The following PATL1 variants were observed in gnomAD, a reference collection of about 807,000 sequenced individuals.
PATL1 encodes protein PAT1 homolog 1.
Under a neutral mutation model 100.6 loss-of-function variants are expected in PATL1, and 32 were observed. That is an observed-to-expected ratio of 0.32 (90% CI 0.24 to 0.43). PATL1 has a LOEUF of 0.43. Among genes scored for constraint, PATL1 ranks in the 20% least tolerant of loss-of-function variants. The pLI, the probability that PATL1 is intolerant of heterozygous loss-of-function variation, is 1.00. For missense variants in PATL1, 747 were observed against 949.9 expected (o/e 0.79, Z 2.81); for synonymous variants, 332 against 330.0 (o/e 1.01, Z -0.07).
intron 8 of PATL1, among the ~76,000 whole-genome samples, chr11:59,655,048 GGTCT>G (rs1351356852): frequency 1.4e-4 from 22 of 152,264 alleles, no homozygotes; most frequent in African/African-American, 5.1e-4. Context: ...CTTGCCTGCT[GGTCT>G]GTCTTACAGA....
chr11:59,649,287 T>A (rs1197308577), intron 14 of PATL1, among the ~76,000 whole-genome samples, 175 bp downstream of exon 14: 1 of 152,164 alleles, frequency 6.6e-6, no homozygotes, highest in African/African-American at 2.4e-5. Context: ...CTTTCCTCAC[T>A]GGAAAAGATA....
intron 15 of PATL1, among the ~76,000 whole-genome samples, chr11:59,646,029 CT>C (rs1861359657): frequency 1.3e-5 from 2 of 152,120 alleles, no homozygotes; most frequent in Admixed American, 1.3e-4. Context: ...GCATTCTTAT[CT>C]TTTAGCACCT....
intron 3 of PATL1, 95 bp downstream of exon 3, chr11:59,659,157 C>A: frequency 8.9e-7 from 1 of 1,117,366 alleles, no homozygotes; most frequent in Non-Finnish European, 1.3e-6. Context: ...ATATGTAAAT[C>A]TCTCATTATA....
intron 14 of PATL1, among the ~76,000 whole-genome samples, chr11:59,648,692 C>T (rs997136756): frequency 1.3e-5 from 2 of 152,028 alleles, no homozygotes; most frequent in African/African-American, 4.8e-5. Flanking sequence ...AACTTATTTC[C>T]ATGTCAATAA....
chr11:59,648,185 CTTTTT>C (rs887689437), intron 14 of PATL1, among the ~76,000 whole-genome samples: 3 of 130,462 alleles, frequency 2.3e-5, no homozygotes, highest in African/African-American at 5.8e-5. Context: ...AACTTTTTTT[CTTTTT>C]TTTTTTTTTT....
At chr11:59,664,291 C>G (rs908447444) in intron 2 of PATL1, among the ~76,000 whole-genome samples, 4 of 152,082 alleles carry the variant, frequency 2.6e-5, no homozygotes, top group African/African-American at 9.7e-5. Flanking sequence ...CAATATTATT[C>G]CCATCTTATG....
At chr11:59,639,229 GA>G (rs759856246) in intron 17 of PATL1, 32 bp from the exon 18 acceptor site, 10 of 1,604,458 alleles carry the variant, frequency 6.2e-6, no homozygotes, top group East Asian at 2.2e-5. Context: ...AATATCAGGA[GA>G]AAAAAATTTA....
At chr11:59,649,741 T>G in intron 13 of PATL1, 131 bp from the exon 14 acceptor site, 1 of 937,252 alleles carries the variant, frequency 1.1e-6, no homozygotes, top group Non-Finnish European at 1.5e-6. Flanking sequence ...TTTTTTTTTT[T>G]AATGTAGAAA....
chr11:59,652,730 C>T, intron 10 of PATL1, 108 bp downstream of exon 10: 1 of 1,500,254 alleles, frequency 6.7e-7, no homozygotes. Context: ...TGCTAAGTAC[C>T]TCAAAAGAAA....
Position 59,636,940 on chromosome 11 carries a change from TG to T in PATL1, c.*1449del, listed in dbSNP as rs1296799413. On this transcript the variant is annotated 3_prime_UTR_variant, in exon 19 of 19. Coordinates refer to ENST00000300146, the MANE Select transcript of PATL1 (RefSeq NM_152716.3). ...GTAGAGGGAAGCTAGGTAACATCAC[TG>T]GGGAACAGCTGGTGGAGCCTGGGGT... 6.6e-6 allele frequency: 1 copy of T among 152,662 alleles called. No individual in the cohort carries two copies. The highest frequency in any genetic ancestry group is 1.5e-5 in the Non-Finnish European group (1 of 68,132). The allele number at this position is 152,662 out of a possible 1,614,324, so 9.5% of individuals were successfully genotyped here. A position where few individuals can be genotyped will look rare whatever the true frequency, so the allele number is the denominator to read the frequency against.
chr11:59,664,158 C>T (rs766866552), intron 2 of PATL1, among the ~76,000 whole-genome samples: 1 of 152,150 alleles, frequency 6.6e-6, no homozygotes, highest in Non-Finnish European at 1.5e-5. Flanking sequence ...TATTTAATTG[C>T]CTTAACTTTG....
At chr11:59,639,426 A>G (rs1177759944) in intron 16 of PATL1, 43 bp from the exon 17 acceptor site, 20 of 1,436,194 alleles carry the variant, frequency 1.4e-5, no homozygotes. Context: ...CACTGTGTCT[A>G]AACCTCCTCC....
At position 59,636,975 on chromosome 11, in the gene PATL1, G is replaced by A. The variant is rs1416542431; in HGVS notation, c.*1415C>T. On this transcript the variant is annotated 3_prime_UTR_variant, in exon 19 of 19. Coordinates refer to ENST00000300146, the MANE Select transcript of PATL1 (RefSeq NM_152716.3). The stretch of plus-strand genomic sequence containing the variant: ...CTGGTGGAGCCTGGGGTTACAGCAT[G>A]GGAAGAAATGGAGATGGAGAACAGG... 1 of 152,690 alleles carries A rather than the reference G, an allele frequency of 6.5e-6. No individual in the cohort carries two copies. Among genetic ancestry groups the A allele is most frequent in the African/African-American group, 2.4e-5 (1 of 41,430 alleles). The allele number at this position is 152,690 out of a possible 1,614,324, so 9.5% of individuals were successfully genotyped here. A position where few individuals can be genotyped will look rare whatever the true frequency, so the allele number is the denominator to read the frequency against.
intron 16 of PATL1, among the ~76,000 whole-genome samples, chr11:59,640,048 A>G (rs1861253832): frequency 6.6e-6 from 1 of 152,216 alleles, no homozygotes; most frequent in African/African-American, 2.4e-5. Context: ...AGAGTATGCA[A>G]TATATAAAAA....
intron 14 of PATL1, 112 bp from the exon 15 acceptor site, chr11:59,648,025 A>C (rs1303821110): frequency 1.1e-6 from 1 of 899,628 alleles, no homozygotes; most frequent in Non-Finnish European, 1.6e-6. Context: ...TCATTCTCTA[A>C]TAACCTGTAC....
chr11:59,650,661 T>G, intron 13 of PATL1, 93 bp downstream of exon 13: 1 of 853,228 alleles, frequency 1.2e-6, no homozygotes, highest in Non-Finnish European at 1.8e-6. Flanking sequence ...CCAAAGAACA[T>G]TGACTGATTG....
At chr11:59,667,681 A>G (rs969339803) in intron 1 of PATL1, among the ~76,000 whole-genome samples, 1 of 152,238 alleles carries the variant, frequency 6.6e-6, no homozygotes, top group African/African-American at 2.4e-5. Flanking sequence ...CTTACATTGT[A>G]ATGCAGGGAC....
chr11:59,668,060 C>A (rs1364418263), intron 1 of PATL1, among the ~76,000 whole-genome samples: 1 of 152,248 alleles, frequency 6.6e-6, no homozygotes, highest in Non-Finnish European at 1.5e-5. Flanking sequence ...GCCACTGCCT[C>A]CTTATCAGAG....
At chr11:59,656,943 G>C (rs533120803) in intron 5 of PATL1, 2 of 361,488 alleles carry the variant, frequency 5.5e-6, no homozygotes, top group South Asian at 2.3e-4. Context: ...AAGAAAGCTG[G>C]AGGATTAACT....
Sources: allele counts gnomAD v4.1 joint callset (sites outside exome capture counted in the v4.1 genomes callset), GRCh38; gene constraint gnomAD v4.1.1; transcripts MANE v1.5; gene names NCBI Gene and HGNC (gene_info 2026-07-23, HGNC 2026-07-21).